DLGAP2: variants seen among roughly 807,000 people sequenced by gnomAD.
The protein encoded by DLGAP2 is DLG associated protein 2.
A neutral mutation model predicts 100.3 loss-of-function variants in DLGAP2; 26 were observed. That is an observed-to-expected ratio of 0.26 (90% confidence interval 0.19 to 0.36). The LOEUF is 0.36. DLGAP2 is among the 10% of genes least tolerant of loss of function. The pLI, the probability that DLGAP2 is intolerant of heterozygous loss-of-function variation, is 1.00. For synonymous variants in DLGAP2, 886 were observed against 630.1 expected (o/e 1.41, Z -6.08); for missense variants, 1,858 against 1,453.2 (o/e 1.28, Z -4.53).
At chr8:917,218 C>CCTCT (rs1563094328) in intron 2 of DLGAP2, among the ~76,000 whole-genome samples, 1 of 144,368 alleles carries the variant, frequency 6.9e-6, no homozygotes, top group East Asian at 2.2e-4. Flanking sequence ...TCCCTCCATC[C>CCTCT]CTCCCTCCCT....
chr8:1,529,734 G>A (rs767431108), intron 4 of DLGAP2, among the ~76,000 whole-genome samples: 4 of 152,212 alleles, frequency 2.6e-5, no homozygotes, highest in Non-Finnish European at 5.9e-5. Flanking sequence ...AACCTGCCCC[G>A]ATATTCACGT....
At chr8:1,222,264 A>T (rs1372885385) in intron 2 of DLGAP2, among the ~76,000 whole-genome samples, 1 of 152,080 alleles carries the variant, frequency 6.6e-6, no homozygotes, top group Admixed American at 6.5e-5. Flanking sequence ...TTTTGATTTT[A>T]TATTCTTTGA....
intron 3 of DLGAP2, among the ~76,000 whole-genome samples, chr8:1,440,617 T>C (rs748462340): frequency 3.3e-5 from 5 of 152,220 alleles, no homozygotes; most frequent in Admixed American, 2.0e-4. Flanking sequence ...AGAAGACTCA[T>C]GGGCTCTCCT....
intron 6 of DLGAP2, among the ~76,000 whole-genome samples, chr8:1,584,840 A>T (rs1035407475): frequency 6.6e-6 from 1 of 152,090 alleles, no homozygotes; most frequent in Admixed American, 6.6e-5. Context: ...ATCTTACCTT[A>T]CATCTCTTCA....
chr8:750,775 C>A (rs964375008), intron 1 of DLGAP2, among the ~76,000 whole-genome samples: 2 of 152,220 alleles, frequency 1.3e-5, no homozygotes, highest in Admixed American at 6.5e-5. Context: ...AACAGTGTTT[C>A]CTGTCTTTAT....
At chr8:1,583,255 G>T (rs1421811946) in intron 6 of DLGAP2, among the ~76,000 whole-genome samples, 1 of 152,158 alleles carries the variant, frequency 6.6e-6, no homozygotes, top group African/African-American at 2.4e-5. Context: ...ATCTGCCATG[G>T]GTTGGGTGAG....
intron 1 of DLGAP2, among the ~76,000 whole-genome samples, chr8:752,862 G>A (rs1466439404): frequency 6.6e-6 from 1 of 152,160 alleles, no homozygotes; most frequent in Non-Finnish European, 1.5e-5. Context: ...GCCCCTCCAA[G>A]AAGGCGACCT....
chr8:1,682,220 G>C (rs1798969479), intron 12 of DLGAP2, among the ~76,000 whole-genome samples: 1 of 152,190 alleles, frequency 6.6e-6, no homozygotes, highest in African/African-American at 2.4e-5. Context: ...CAGAGGCCAA[G>C]GTTCTCCCGC....
chr8:1,334,731 C>T (rs1298769264), intron 3 of DLGAP2, among the ~76,000 whole-genome samples: 1 of 152,112 alleles, frequency 6.6e-6, no homozygotes, highest in Non-Finnish European at 1.5e-5. Context: ...CCTTCTGTAG[C>T]ACCACATGGA....
chr8:1,548,554 T>C, intron 4 of DLGAP2, 72 bp from the exon 5 acceptor site: 2 of 1,274,720 alleles, frequency 1.6e-6, no homozygotes, highest in Non-Finnish European at 2.0e-6. Context: ...ACGGTGGGGG[T>C]CACATATTCC....
chr8:1,651,056 A>G (rs1585033122), intron 8 of DLGAP2, among the ~76,000 whole-genome samples: 2 of 152,220 alleles, frequency 1.3e-5, no homozygotes, highest in East Asian at 1.9e-4. Context: ...GGGGAATAAT[A>G]TGGGGAACTG....
intron 2 of DLGAP2, among the ~76,000 whole-genome samples, chr8:1,008,737 C>G (rs980334682): frequency 6.6e-5 from 10 of 152,214 alleles, no homozygotes; most frequent in African/African-American, 2.4e-4. Flanking sequence ...TCCCCGCTCC[C>G]CCACCCCAGC....
intron 2 of DLGAP2, among the ~76,000 whole-genome samples, chr8:1,186,746 G>A (rs573699281): frequency 1.8e-4 from 27 of 152,224 alleles, no homozygotes; most frequent in African/African-American, 5.3e-4. Context: ...TCACGTCGTC[G>A]CCTCCCCTGG....
At chr8:1,203,198 G>C (rs17062789) in intron 2 of DLGAP2, among the ~76,000 whole-genome samples, 2 of 139,692 alleles carry the variant, frequency 1.4e-5, no homozygotes, top group African/African-American at 5.1e-5. Context: ...TGCACGAGGG[G>C]ATTATAGACG....
chr8:925,098 T>G (rs772835938), intron 2 of DLGAP2, among the ~76,000 whole-genome samples: 11 of 152,136 alleles, frequency 7.2e-5, no homozygotes, highest in African/African-American at 1.2e-4. Context: ...GGTGAAAGTG[T>G]AGGTGCGCGT....
At chr8:1,690,872 G>T (rs2130876122) in intron 12 of DLGAP2, among the ~76,000 whole-genome samples, 1 of 152,176 alleles carries the variant, frequency 6.6e-6, no homozygotes, top group South Asian at 2.1e-4. Context: ...TACATGGATT[G>T]GTGAGTTTAG....
intron 1 of DLGAP2, among the ~76,000 whole-genome samples, chr8:786,231 G>T (rs899980916): frequency 6.6e-6 from 1 of 152,246 alleles, no homozygotes; most frequent in South Asian, 2.1e-4. Flanking sequence ...AGCTCATGGG[G>T]CCCAGTGGTG....
intron 2 of DLGAP2, among the ~76,000 whole-genome samples, chr8:960,961 C>CA (rs1799711915): frequency 1.3e-5 from 2 of 152,138 alleles, no homozygotes; most frequent in South Asian, 4.1e-4. Flanking sequence ...GTTATGATTC[C>CA]AAAAAGTAAT....
intron 2 of DLGAP2, among the ~76,000 whole-genome samples, chr8:1,220,607 C>A (rs1384480107): frequency 2.0e-5 from 3 of 152,128 alleles, no homozygotes; most frequent in Middle Eastern, 3.2e-3. Flanking sequence ...CTGTAGATAT[C>A]TATTAGGTCT....
Sources: gnomAD v4.1 joint callset for allele counts (sites outside exome capture counted in the v4.1 genomes callset) on GRCh38, gnomAD v4.1.1 for gene constraint, MANE v1.5 for transcripts, NCBI Gene and HGNC (gene_info 2026-07-23, HGNC 2026-07-21) for gene names.